MAN2A1: variants seen among roughly 807,000 people sequenced by gnomAD.
MAN2A1 encodes the protein alpha-mannosidase 2.
In MAN2A1, 76 loss-of-function variants were observed where a neutral mutation model predicts 142.6. The observed-to-expected ratio is 0.53, with a 90% CI of 0.44 to 0.65. The LOEUF (loss-of-function observed/expected upper bound fraction) is 0.65. MAN2A1 is among the 30% of genes least tolerant of loss of function. The pLI, the probability that MAN2A1 is intolerant of heterozygous loss-of-function variation, is 0.00. For synonymous variants in MAN2A1, 559 were observed against 473.2 expected (o/e 1.18, Z -2.35); for missense variants, 1,311 against 1,365.1 (o/e 0.96, Z 0.62).
chr5:109,690,701 A>T, intron 1 of MAN2A1, 149 bp downstream of exon 1: 1 of 901,884 alleles, frequency 1.1e-6, no homozygotes, highest in Non-Finnish European at 1.7e-6. Context: ...GACGGCAATG[A>T]TCACCTCCTG....
At chr5:109,810,004 A>G (rs1038433869) in intron 12 of MAN2A1, among the ~76,000 whole-genome samples, 2 of 152,006 alleles carry the variant, frequency 1.3e-5, no homozygotes, top group Non-Finnish European at 2.9e-5. Flanking sequence ...TGTTAAAGAT[A>G]TCTTTGGAGT....
At chr5:109,743,241 C>T (rs1399199432) in intron 4 of MAN2A1, among the ~76,000 whole-genome samples, 1 of 152,180 alleles carries the variant, frequency 6.6e-6, no homozygotes, top group African/African-American at 2.4e-5. Context: ...TTGGGGAACA[C>T]TGCTTAGTTT....
chr5:109,738,474 G>C (rs1485554053), intron 4 of MAN2A1, among the ~76,000 whole-genome samples: 1 of 151,914 alleles, frequency 6.6e-6, no homozygotes, highest in Admixed American at 6.6e-5. Flanking sequence ...TCGTTTGCTT[G>C]AGTTTGCTGT....
At chr5:109,791,710 A>G (rs1753741340) in intron 12 of MAN2A1, among the ~76,000 whole-genome samples, 1 of 152,050 alleles carries the variant, frequency 6.6e-6, no homozygotes, top group South Asian at 2.1e-4. Context: ...TATATAAAGC[A>G]CAGATATAGT....
intron 12 of MAN2A1, among the ~76,000 whole-genome samples, chr5:109,798,653 C>T (rs1283378728): frequency 6.6e-6 from 1 of 151,974 alleles, no homozygotes; most frequent in Non-Finnish European, 1.5e-5. Context: ...TAGACCTTTT[C>T]ATTCTGTGTT....
At chr5:109,855,000 T>C in intron 19 of MAN2A1, 140 bp from the exon 20 acceptor site, 1 of 455,208 alleles carries the variant, frequency 2.2e-6, no homozygotes, top group Non-Finnish European at 3.8e-6. Context: ...TATGGAGTAT[T>C]TTCTAAGACT....
At chr5:109,706,141 C>T (rs921959630) in intron 1 of MAN2A1, among the ~76,000 whole-genome samples, 1 of 152,100 alleles carries the variant, frequency 6.6e-6, no homozygotes, top group African/African-American at 2.4e-5. Context: ...TCATAACAAC[C>T]CTATGAGTTA....
At chr5:109,782,708 A>G (rs1459782030) in intron 9 of MAN2A1, among the ~76,000 whole-genome samples, 6 of 152,108 alleles carry the variant, frequency 3.9e-5, no homozygotes, top group African/African-American at 2.4e-5. Flanking sequence ...ATTAAATACT[A>G]TTTCAAAAGC....
chr5:109,763,494 A>C (rs372013718), intron 5 of MAN2A1, among the ~76,000 whole-genome samples: 3 of 148,340 alleles, frequency 2.0e-5, no homozygotes, highest in Admixed American at 6.7e-5. Context: ...TTTTTTTTTT[A>C]TTTTTAAGTT....
At chr5:109,835,683 C>G (rs80215428) in intron 16 of MAN2A1, among the ~76,000 whole-genome samples, 2,838 of 152,164 alleles carry the variant, frequency 0.019, 35 homozygotes, top group Middle Eastern at 0.071. Context: ...TCTTTTTTGT[C>G]GTTTTTCCCA....
At chr5:109,861,963 T>A (rs1436652688) in intron 20 of MAN2A1, among the ~76,000 whole-genome samples, 1 of 152,152 alleles carries the variant, frequency 6.6e-6, no homozygotes, top group Non-Finnish European at 1.5e-5. Flanking sequence ...TCTCGTATAT[T>A]TACATATTTT....
intron 5 of MAN2A1, among the ~76,000 whole-genome samples, chr5:109,766,491 C>G (rs1287625279): frequency 6.6e-6 from 1 of 151,962 alleles, no homozygotes; most frequent in Non-Finnish European, 1.5e-5. Context: ...CCTTATTGTC[C>G]TTTACTGGCT....
chr5:109,839,057 C>CTA (rs1451600782), intron 16 of MAN2A1, among the ~76,000 whole-genome samples: 1 of 151,978 alleles, frequency 6.6e-6, no homozygotes, highest in Non-Finnish European at 1.5e-5. Flanking sequence ...AATATCTAAT[C>CTA]TAGAGAGAAG....
intron 20 of MAN2A1, among the ~76,000 whole-genome samples, chr5:109,860,775 G>GGATA (rs1265384740): frequency 6.6e-6 from 1 of 152,068 alleles, no homozygotes; most frequent in Non-Finnish European, 1.5e-5. Flanking sequence ...TGGGGTGAAT[G>GGATA]GATAGGTGGA....
Position 109,792,595 on chromosome 5 carries a change from A to C in MAN2A1, c.1943+3068A>C, listed in dbSNP as rs2269209. Among the ~76,000 whole-genome samples the C allele has an allele frequency of 9.3e-4, 141 of 152,242 alleles. 3 individuals carry two copies. In the East Asian group the frequency reaches 0.023, roughly 25 times the overall value. On this transcript the variant is annotated intron_variant, in intron 12 of 21. Transcript: ENST00000261483. Reference sequence around the variant, plus strand: ...TAGTAGACTATTGCCTAACAAACTAATCTAAAACTTAATGTCTTAAATACA... The same window carrying C: ...TAGTAGACTATTGCCTAACAAACTACTCTAAAACTTAATGTCTTAAATACA...
chr5:109,804,239 A>C (rs1198483847), intron 12 of MAN2A1: 1 of 987,356 alleles, frequency 1.0e-6, no homozygotes, highest in African/African-American at 1.7e-5. Flanking sequence ...GGAGGGCTTC[A>C]AGCCCATCTT....
chr5:109,762,117 A>G (rs1365678212), intron 5 of MAN2A1, among the ~76,000 whole-genome samples: 2 of 152,136 alleles, frequency 1.3e-5, no homozygotes, highest in Non-Finnish European at 2.9e-5. Context: ...ATATTTAAAC[A>G]CAGTATAAGT....
At chr5:109,752,045 C>T (rs1582859562) in intron 4 of MAN2A1, among the ~76,000 whole-genome samples, 5 of 152,142 alleles carry the variant, frequency 3.3e-5, no homozygotes, top group South Asian at 2.1e-4. Context: ...CCTTTCTCAA[C>T]GCAATTGCAC....
chr5:109,766,766 C>T (rs1422017881), intron 5 of MAN2A1, among the ~76,000 whole-genome samples: 1 of 152,088 alleles, frequency 6.6e-6, no homozygotes, highest in African/African-American at 2.4e-5. Context: ...TTGAGAATCC[C>T]AAATAATTAA....
Sources: allele counts gnomAD v4.1 joint callset (sites outside exome capture counted in the v4.1 genomes callset), GRCh38; gene constraint gnomAD v4.1.1; transcripts MANE v1.5; gene names NCBI Gene and HGNC (gene_info 2026-07-23, HGNC 2026-07-21).